Variants in SPAG16 observed in about 807,000 individuals in gnomAD.
SPAG16 encodes sperm associated antigen 16, also known as sperm-associated antigen 16 protein.
In SPAG16, 86 loss-of-function variants were observed where a neutral mutation model predicts 80.4. The observed-to-expected ratio is 1.07, with a 90% CI of 0.90 to 1.28. The LOEUF (loss-of-function observed/expected upper bound fraction) is 1.28. Among genes scored for constraint, SPAG16 ranks in the 50% most tolerant of loss-of-function variants. The pLI is 0.00. For synonymous variants in SPAG16, 294 were observed against 265.9 expected (o/e 1.11, Z -1.03); for missense variants, 870 against 765.3 (o/e 1.14, Z -1.61).
chr2:213,659,656 T>A (rs2063346498), intron 10 of SPAG16, among the ~76,000 whole-genome samples: 1 of 152,200 alleles, frequency 6.6e-6, no homozygotes, highest in African/African-American at 2.4e-5. Flanking sequence ...CTGGACTTTT[T>A]AAACACATTT....
At chr2:213,378,423 G>A (rs1028016777) in intron 9 of SPAG16, among the ~76,000 whole-genome samples, 2 of 152,146 alleles carry the variant, frequency 1.3e-5, no homozygotes, top group East Asian at 3.9e-4. Flanking sequence ...TCATAATTAT[G>A]CCTAACATAA....
intron 11 of SPAG16, among the ~76,000 whole-genome samples, chr2:213,895,305 G>A (rs376587270): frequency 2.0e-5 from 3 of 152,026 alleles, no homozygotes; most frequent in Non-Finnish European, 2.9e-5. Context: ...TCATGCTCAC[G>A]GATTGGAAGA....
intron 15 of SPAG16, among the ~76,000 whole-genome samples, chr2:214,333,218 T>A (rs544707498): frequency 6.6e-6 from 1 of 152,308 alleles, no homozygotes; most frequent in East Asian, 1.9e-4. Context: ...TCTTGGCTTT[T>A]TATTGGTGCT....
At chr2:213,369,473 A>G (rs1033079645) in intron 8 of SPAG16, among the ~76,000 whole-genome samples, 5 of 152,208 alleles carry the variant, frequency 3.3e-5, no homozygotes, top group African/African-American at 1.2e-4. Flanking sequence ...GGTGGTAGTT[A>G]CATGCCTGTT....
intron 8 of SPAG16, among the ~76,000 whole-genome samples, chr2:213,367,994 C>T (rs1483111141): frequency 2.0e-5 from 3 of 146,946 alleles, no homozygotes; most frequent in Non-Finnish European, 4.5e-5. Flanking sequence ...CCAGTTTCAG[C>T]TTTCTACATA....
At chr2:213,400,578 A>G (rs2068257718) in intron 9 of SPAG16, among the ~76,000 whole-genome samples, 1 of 152,150 alleles carries the variant, frequency 6.6e-6, no homozygotes, top group Admixed American at 6.6e-5. Flanking sequence ...CTAGTTTTCT[A>G]CCAAAAAATG....
intron 15 of SPAG16, among the ~76,000 whole-genome samples, chr2:214,224,093 C>T (rs1427752199): frequency 6.6e-6 from 1 of 152,124 alleles, no homozygotes; most frequent in Admixed American, 6.6e-5. Flanking sequence ...GGCCCCAGAT[C>T]ATAAAGGGCC....
chr2:213,422,058 G>T, intron 9 of SPAG16: 1 of 603,602 alleles, frequency 1.7e-6, no homozygotes, highest in South Asian at 1.9e-5. Context: ...GAATGAACTC[G>T]GGACCCACTA....
intron 12 of SPAG16, among the ~76,000 whole-genome samples, chr2:213,969,802 G>C (rs747319714): frequency 6.6e-6 from 1 of 151,746 alleles, no homozygotes; most frequent in Non-Finnish European, 1.5e-5. Context: ...AATAAACCGA[G>C]TGTGTGTAAA....
intron 13 of SPAG16, among the ~76,000 whole-genome samples, chr2:214,070,981 T>A (rs898247320): frequency 3.9e-5 from 6 of 152,088 alleles, no homozygotes; most frequent in Non-Finnish European, 7.4e-5. Flanking sequence ...TGATTCACCT[T>A]CATCTGCCCT....
At chr2:213,293,374 A>G (rs6759627) in intron 1 of SPAG16, among the ~76,000 whole-genome samples, 40,255 of 152,224 alleles carry the variant, frequency 0.26, 6,141 homozygotes, top group Middle Eastern at 0.45. Context: ...GCTCTTGTGT[A>G]ATCCTCACAC....
intron 10 of SPAG16, among the ~76,000 whole-genome samples, chr2:213,818,999 AC>A (rs2072756655): frequency 6.6e-6 from 1 of 151,584 alleles, no homozygotes; most frequent in Non-Finnish European, 1.5e-5. Flanking sequence ...GCAGTGTGAA[AC>A]CTGACTAAGT....
chr2:213,567,087 G>C (rs557018125), intron 10 of SPAG16, among the ~76,000 whole-genome samples: 187 of 150,934 alleles, frequency 1.2e-3, no homozygotes, highest in Middle Eastern at 3.5e-3. Context: ...AGGAGAGTCA[G>C]ATGCAAACAG....
intron 14 of SPAG16, among the ~76,000 whole-genome samples, chr2:214,123,248 G>A (rs2054306423): frequency 6.6e-6 from 1 of 151,558 alleles, no homozygotes; most frequent in Non-Finnish European, 1.5e-5. Context: ...ATACATTTAA[G>A]ATTCTATTGC....
chr2:214,198,185 C>A (rs755014217), intron 15 of SPAG16, among the ~76,000 whole-genome samples: 9 of 151,882 alleles, frequency 5.9e-5, no homozygotes, highest in Non-Finnish European at 1.3e-4. Context: ...GATTTTGGTG[C>A]ACCGTCACCT....
chr2:214,182,658 A>G (rs919149413), intron 15 of SPAG16, among the ~76,000 whole-genome samples: 3 of 151,972 alleles, frequency 2.0e-5, no homozygotes, highest in Non-Finnish European at 2.9e-5. Context: ...CTAGAGATAT[A>G]CAAGATATAT....
chr2:213,919,250 A>G (rs554818801), intron 11 of SPAG16, among the ~76,000 whole-genome samples: 1 of 150,648 alleles, frequency 6.6e-6, no homozygotes, highest in South Asian at 2.1e-4. Context: ...ATTTGGATTC[A>G]TTGATTTTTT....
At chr2:213,447,714 T>A (rs1022764854) in intron 9 of SPAG16, among the ~76,000 whole-genome samples, 4 of 152,236 alleles carry the variant, frequency 2.6e-5, no homozygotes, top group African/African-American at 9.6e-5. Flanking sequence ...GTGTTAAGCC[T>A]CCTTTGTGCT....
At chr2:214,379,938 C>G (rs1347100050) in intron 15 of SPAG16, among the ~76,000 whole-genome samples, 1 of 152,184 alleles carries the variant, frequency 6.6e-6, no homozygotes, top group Admixed American at 6.5e-5. Flanking sequence ...CAGGATAGCA[C>G]TGGTCTCCAG....
Sources: gnomAD v4.1 joint callset for allele counts (sites outside exome capture counted in the v4.1 genomes callset) on GRCh38, gnomAD v4.1.1 for gene constraint, MANE v1.5 for transcripts, NCBI Gene and HGNC (gene_info 2026-07-23, HGNC 2026-07-21) for gene names.